The following TMEM182 variants were observed in gnomAD, a reference collection of about 807,000 sequenced individuals.
The protein encoded by TMEM182 is transmembrane protein 182.
Under a neutral mutation model 26.8 loss-of-function variants are expected in TMEM182, and 20 were observed. The ratio of observed to expected loss-of-function variants is 0.75; its 90% confidence interval spans 0.53 to 1.09. The LOEUF (loss-of-function observed/expected upper bound fraction) is 1.09, where lower values mean the gene tolerates loss of function less well. Among genes scored for constraint, TMEM182 ranks in the 50% least tolerant of loss-of-function variants. TMEM182 has a pLI of 0.00. For synonymous variants in TMEM182, 109 were observed against 102.2 expected (o/e 1.07, Z -0.40); for missense variants, 277 against 275.5 (o/e 1.01, Z -0.04).
At chr2:102,793,775 C>T (rs1330251947) in intron 3 of TMEM182, among the ~76,000 whole-genome samples, 1 of 151,948 alleles carries the variant, frequency 6.6e-6, no homozygotes, top group South Asian at 2.1e-4. Flanking sequence ...ATTTTTGATC[C>T]ATGGTTGGTT....
At position 102,762,169 on chromosome 2, in the gene TMEM182, C is replaced by A; in HGVS notation, c.-49C>A. 3 of 1,380,604 alleles carry A rather than the reference C, an allele frequency of 2.2e-6. No homozygotes were observed. The highest frequency in any genetic ancestry group is 1.9e-5 in the Admixed American group (1 of 51,670). 85.5% of individuals were successfully genotyped at this position (1,380,604 alleles called of 1,614,324 possible). On this transcript the variant is annotated 5_prime_UTR_variant, in exon 1 of 5. Transcript: ENST00000412401. ...TGTTTCTGAGAAACTAGGTGTCTTA[C>A]CATTTTAAAATTTCATATTTTATTT...
At chr2:102,770,457 A>G (rs1370439942) in intron 3 of TMEM182, among the ~76,000 whole-genome samples, 1 of 152,136 alleles carries the variant, frequency 6.6e-6, no homozygotes, top group African/African-American at 2.4e-5. Context: ...TCATTCTCTT[A>G]GACAGGACCT....
chr2:102,749,372 T>A (rs1190552398), intron 1 of TMEM182, among the ~76,000 whole-genome samples: 1 of 152,110 alleles, frequency 6.6e-6, no homozygotes, highest in East Asian at 1.9e-4. Flanking sequence ...ATGAAATACA[T>A]GGAATAGGCA....
At position 102,744,543 on chromosome 2, in the gene TMEM182, T is replaced by C. The variant is rs190166949; in HGVS notation, c.-83+7530T>C. On this transcript the variant is annotated intron_variant, in intron 1 of 5. Transcript: ENST00000409173. ...CTTAGAATCAGATCTCTGACCTATA[T>C]CATATTCTTTCTTTCTGAAGAAATT... 5.1e-3 allele frequency among the ~76,000 whole-genome samples: 779 copies of C among 152,258 alleles called. 12 individuals carry two copies. The highest frequency in any genetic ancestry group is 0.018 in the African/African-American group (732 of 41,570).
intron 3 of TMEM182, among the ~76,000 whole-genome samples, chr2:102,770,506 C>T (rs182005242): frequency 2.0e-4 from 30 of 152,316 alleles, no homozygotes; most frequent in Non-Finnish European, 4.1e-4. Context: ...GCACTTCCTC[C>T]CTCAGGGATC....
upstream of TMEM182, chr2:102,758,361 A>G: frequency 1.5e-6 from 1 of 685,156 alleles, no homozygotes. Context: ...TGGGGAAGCA[A>G]CACTGAATGG....
chr2:102,787,666 G>T (rs562886909), intron 3 of TMEM182, among the ~76,000 whole-genome samples: 1 of 152,232 alleles, frequency 6.6e-6, no homozygotes, highest in Non-Finnish European at 1.5e-5. Flanking sequence ...AAAATTTCTG[G>T]CGGACATAGC....
At chr2:102,741,990 C>T (rs187072160) in intron 1 of TMEM182, among the ~76,000 whole-genome samples, 5 of 152,250 alleles carry the variant, frequency 3.3e-5, no homozygotes, top group Admixed American at 2.6e-4. Flanking sequence ...AAAATGTTTA[C>T]GATGTGTGCT....
chr2:102,838,148 C>T (rs186979394), intron 3 of TMEM182, among the ~76,000 whole-genome samples: 31 of 152,256 alleles, frequency 2.0e-4, no homozygotes, highest in Admixed American at 1.6e-3. Context: ...TAATGCTGCA[C>T]GGAAGTAGGT....
At chr2:102,761,380 C>T (rs1680206442), upstream of TMEM182, among the ~76,000 whole-genome samples, 1 of 152,134 alleles carries the variant, frequency 6.6e-6, no homozygotes, top group Admixed American at 6.5e-5. Flanking sequence ...AGACTTTTTT[C>T]ATCAGTCCAC....
chr2:102,838,217 G>T (rs1478100312), intron 3 of TMEM182, among the ~76,000 whole-genome samples: 1 of 152,210 alleles, frequency 6.6e-6, no homozygotes, highest in Non-Finnish European at 1.5e-5. Flanking sequence ...ACTTTTGAGG[G>T]ATAGCTATGT....
rs1243938142 is a variant in TMEM182, at chr2:102,740,550, G to A, written c.-83+3537G>A. On this transcript the variant is annotated intron_variant, in intron 1 of 5. Transcript: ENST00000409173. ...TTTCTTTAAAAATTACCCAGTCTTGGGTATGTCTTTATAAGCAGTGCGAGA... is the reference window on the plus strand; with the variant it reads ...TTTCTTTAAAAATTACCCAGTCTTGAGTATGTCTTTATAAGCAGTGCGAGA... 2.0e-5 allele frequency among the ~76,000 whole-genome samples: 3 copies of A among 152,144 alleles called. No individual in the cohort carries two copies. The East Asian group carries it at 5.8e-4, about 29-fold the overall frequency.
chr2:102,757,075 G>T (rs1365945586), upstream of TMEM182, among the ~76,000 whole-genome samples: 3 of 152,254 alleles, frequency 2.0e-5, no homozygotes, highest in East Asian at 5.8e-4. Flanking sequence ...CTCCCAAAGT[G>T]CTGGGATTAC....
intron 3 of TMEM182, among the ~76,000 whole-genome samples, chr2:102,786,483 T>A (rs1343099668): frequency 6.6e-6 from 1 of 152,148 alleles, no homozygotes; most frequent in East Asian, 1.9e-4. Flanking sequence ...AAAGTGTTGG[T>A]ATTACAGGTG....
At chr2:102,799,277 C>A (rs1253811448) in intron 4 of TMEM182, among the ~76,000 whole-genome samples, 2 of 152,146 alleles carry the variant, frequency 1.3e-5, no homozygotes, top group African/African-American at 4.8e-5. Context: ...TGATGCTGCC[C>A]AGTGTCATTT....
At chr2:102,763,604 C>T (rs1289720185) in intron 2 of TMEM182, among the ~76,000 whole-genome samples, 1 of 152,078 alleles carries the variant, frequency 6.6e-6, no homozygotes, top group African/African-American at 2.4e-5. Flanking sequence ...GAGGCAAGTA[C>T]CTGATAGACT....
chr2:102,799,166 A>G (rs1213838755), intron 4 of TMEM182, among the ~76,000 whole-genome samples: 1 of 152,258 alleles, frequency 6.6e-6, no homozygotes, highest in African/African-American at 2.4e-5. Flanking sequence ...ACATCAAACC[A>G]GAGTGACAGA....
At chr2:102,795,654 GTT>G (rs1681838475) in intron 3 of TMEM182, among the ~76,000 whole-genome samples, 1 of 152,142 alleles carries the variant, frequency 6.6e-6, no homozygotes. Flanking sequence ...TTCTTGGTCT[GTT>G]TCCTGTGCAT....
intron 3 of TMEM182, among the ~76,000 whole-genome samples, chr2:102,779,906 G>A (rs940440197): frequency 1.3e-5 from 2 of 152,156 alleles, no homozygotes; most frequent in Non-Finnish European, 2.9e-5. Flanking sequence ...GGGAGGCTGA[G>A]GCAGGAGAAT....
Sources: allele counts gnomAD v4.1 joint callset (sites outside exome capture counted in the v4.1 genomes callset), GRCh38; gene constraint gnomAD v4.1.1; transcripts MANE v1.5; gene names NCBI Gene and HGNC (gene_info 2026-07-23, HGNC 2026-07-21).